Variants in DLG2 observed in about 807,000 individuals in gnomAD.
DLG2 encodes the protein discs large MAGUK scaffold protein 2.
Under a neutral mutation model 132.5 loss-of-function variants are expected in DLG2, and 45 were observed. The observed-to-expected ratio is 0.34, with a 90% confidence interval of 0.27 to 0.44. DLG2 has a LOEUF of 0.44. Ranked by LOEUF, DLG2 falls within the 20% of genes least tolerant of loss-of-function variation. The pLI, the probability that DLG2 is intolerant of heterozygous loss-of-function variation, is 1.00. For synonymous variants in DLG2, 424 were observed against 419.6 expected (o/e 1.01, Z -0.13); for missense variants, 1,045 against 1,196.9 (o/e 0.87, Z 1.87).
intron 6 of DLG2, among the ~76,000 whole-genome samples, chr11:84,723,938 G>T (rs2062111461): frequency 6.6e-6 from 1 of 152,100 alleles, no homozygotes; most frequent in Non-Finnish European, 1.5e-5. Context: ...ATCAATAAAT[G>T]TAACCAGGTT....
chr11:84,765,358 G>A (rs1263479174), intron 6 of DLG2, among the ~76,000 whole-genome samples: 4 of 152,108 alleles, frequency 2.6e-5, no homozygotes, highest in African/African-American at 4.8e-5. Context: ...CATAAGCAAC[G>A]TGCTACATTT....
At position 84,961,779 on chromosome 11, in the gene DLG2, G is replaced by A. The variant is rs947549698; in HGVS notation, c.357+149882C>T. Among the ~76,000 whole-genome samples, 7 of 152,070 alleles carry A rather than the reference G, an allele frequency of 4.6e-5. No homozygotes were observed. In the East Asian group the frequency reaches 1.2e-3, roughly 25 times the overall value. On this transcript the variant is annotated intron_variant, in intron 6 of 27. Transcript: ENST00000376104. ...TTAAAGGCAGTTTTTCAAGCACTAC[G>A]CAAATGAATGCATAAGTATAATGAC...
chr11:83,543,726 C>T (rs1035013651), intron 19 of DLG2, among the ~76,000 whole-genome samples: 1 of 152,208 alleles, frequency 6.6e-6, no homozygotes, highest in Non-Finnish European at 1.5e-5. Context: ...TAAGTATGAA[C>T]TAATGTTATT....
At chr11:83,652,237 C>G (rs1370857588) in intron 18 of DLG2, among the ~76,000 whole-genome samples, 1 of 152,184 alleles carries the variant, frequency 6.6e-6, no homozygotes, top group African/African-American at 2.4e-5. Flanking sequence ...TGGCAATAGC[C>G]TGCACTTGTT....
In DLG2 at chr11:83,855,367, C is replaced by T. The variant is rs181007798; in HGVS notation, c.1565+19053G>A. Among the ~76,000 whole-genome samples the T allele has an allele frequency of 7.0e-4, 106 of 152,314 alleles. No homozygotes were observed. The East Asian group carries it at 0.017, about 25-fold the overall frequency. On this transcript the variant is annotated intron_variant, in intron 16 of 27. Transcript: ENST00000376104. ...ATGTCCACAAAAAAACCTGCACCTG[C>T]ATGTGAATAGTTCTAGCAGCTTTAT...
chr11:83,639,145 C>T (rs1426509303), intron 18 of DLG2, among the ~76,000 whole-genome samples: 1 of 152,172 alleles, frequency 6.6e-6, no homozygotes, highest in African/African-American at 2.4e-5. Context: ...GATAAGAAAA[C>T]AATACACTCA....
At chr11:83,603,454 A>G (rs752533980) in intron 19 of DLG2, among the ~76,000 whole-genome samples, 32 of 152,214 alleles carry the variant, frequency 2.1e-4, no homozygotes, top group Non-Finnish European at 4.3e-4. Context: ...TATTAACAGT[A>G]TCAGTATATA....
intron 2 of DLG2, among the ~76,000 whole-genome samples, chr11:85,623,859 C>CA (rs2081893813): frequency 6.6e-6 from 1 of 152,158 alleles, no homozygotes. Flanking sequence ...CATATCAGAT[C>CA]AATTCAAGAA....
At chr11:85,562,101 G>A (rs944167182) in intron 3 of DLG2, among the ~76,000 whole-genome samples, 3 of 151,820 alleles carry the variant, frequency 2.0e-5, no homozygotes, top group South Asian at 4.2e-4. Context: ...AAAAGGAACT[G>A]TACCACCAGA....
chr11:84,016,871 TATTA>T (rs1296599001), intron 11 of DLG2, among the ~76,000 whole-genome samples: 1 of 152,062 alleles, frequency 6.6e-6, no homozygotes, highest in East Asian at 1.9e-4. Flanking sequence ...AAGGTTGCAG[TATTA>T]ATTATTATAC....
chr11:85,149,825 T>C (rs1377434877), intron 5 of DLG2, among the ~76,000 whole-genome samples: 1 of 151,994 alleles, frequency 6.6e-6, no homozygotes, highest in Non-Finnish European at 1.5e-5. Context: ...GGAGGTGGTA[T>C]ATATCCTACA....
At chr11:84,909,433 T>C (rs2091862046) in intron 6 of DLG2, among the ~76,000 whole-genome samples, 1 of 152,190 alleles carries the variant, frequency 6.6e-6, no homozygotes, top group African/African-American at 2.4e-5. Flanking sequence ...GGTATGCTAA[T>C]TTGCGTTTCT....
chr11:84,962,129 C>T (rs1472237739), intron 6 of DLG2, among the ~76,000 whole-genome samples: 5 of 152,250 alleles, frequency 3.3e-5, no homozygotes, highest in Non-Finnish European at 2.9e-5. Flanking sequence ...AGCACATACA[C>T]GGTGCTTTAC....
intron 4 of DLG2, among the ~76,000 whole-genome samples, chr11:85,270,491 T>C (rs2077464252): frequency 6.6e-6 from 1 of 152,178 alleles, no homozygotes; most frequent in Non-Finnish European, 1.5e-5. Context: ...AGTGGGGTGC[T>C]GCTGAAAAGA....
intron 6 of DLG2, among the ~76,000 whole-genome samples, chr11:84,596,190 GTCTCTCTCTCTCTC>G (rs59824224): frequency 6.9e-6 from 1 of 144,734 alleles, no homozygotes; most frequent in South Asian, 2.2e-4. Flanking sequence ...TCTTTTCTCT[GTCTCTCTCTCTCTC>G]TCTCTCTCTC....
chr11:85,239,939 T>C (rs1192042881), intron 4 of DLG2, among the ~76,000 whole-genome samples: 2 of 151,968 alleles, frequency 1.3e-5, no homozygotes, highest in Admixed American at 6.6e-5. Context: ...TGCTGGCTCA[T>C]AGGATATGCA....
At chr11:85,293,206 T>C (rs2079018972) in intron 3 of DLG2, among the ~76,000 whole-genome samples, 1 of 152,068 alleles carries the variant, frequency 6.6e-6, no homozygotes, top group African/African-American at 2.4e-5. Flanking sequence ...ATTCTGCAAC[T>C]AGTGGTAAAA....
At position 85,450,615 on chromosome 11, in the gene DLG2, AG is replaced by A. The variant is rs2092204379; in HGVS notation, c.40+148041del. On this transcript the variant is annotated intron_variant, in intron 3 of 27. Transcript: ENST00000376104. Reference sequence around the variant, plus strand: ...AATATCTTATATTAGAGATTTTTTCAGGACATTTTATCTGCAATTTTGCTGG... The same window carrying A: ...AATATCTTATATTAGAGATTTTTTCAGACATTTTATCTGCAATTTTGCTGG... Among the ~76,000 whole-genome samples the A allele has an allele frequency of 3.3e-5, 5 of 152,264 alleles. No homozygotes were observed. In the South Asian group the frequency reaches 1.0e-3, roughly 32 times the overall value.
At chr11:84,185,166 T>A (rs1437112083) in intron 8 of DLG2, among the ~76,000 whole-genome samples, 1 of 152,108 alleles carries the variant, frequency 6.6e-6, no homozygotes, top group Non-Finnish European at 1.5e-5. Context: ...CTGGGCAGTA[T>A]GGCCATTTTC....
Sources: gnomAD v4.1 joint callset for allele counts (sites outside exome capture counted in the v4.1 genomes callset) on GRCh38, gnomAD v4.1.1 for gene constraint, MANE v1.5 for transcripts, NCBI Gene and HGNC (gene_info 2026-07-23, HGNC 2026-07-21) for gene names.